PBLD: variants seen among roughly 807,000 people sequenced by gnomAD.
The protein encoded by PBLD is phenazine biosynthesis like protein domain containing, also known as phenazine biosynthesis-like domain-containing protein.
In PBLD, 26 loss-of-function variants were observed where a neutral mutation model predicts 31.3. The ratio of observed to expected loss-of-function variants is 0.83; its 90% confidence interval spans 0.61 to 1.15. PBLD has a LOEUF of 1.15. Among genes scored for constraint, PBLD ranks in the 50% most tolerant of loss-of-function variants. PBLD has a pLI of 0.00. For missense variants in PBLD, 307 were observed against 351.7 expected, an observed-to-expected ratio of 0.87 and a Z score of 1.02; for synonymous variants, 114 against 129.0, an observed-to-expected ratio of 0.88 and a Z score of 0.79.
intron 1 of PBLD, among the ~76,000 whole-genome samples, chr10:68,307,902 T>C (rs2044605091): frequency 6.6e-6 from 1 of 152,154 alleles, no homozygotes; most frequent in Non-Finnish European, 1.5e-5. Context: ...AAGAACGCAT[T>C]TTTTCTAATT....
At chr10:68,307,872 ATAT>A (rs2044604612) in intron 1 of PBLD, among the ~76,000 whole-genome samples, 1 of 152,222 alleles carries the variant, frequency 6.6e-6, no homozygotes, top group African/African-American at 2.4e-5. Context: ...CTCCCAATGA[ATAT>A]TATTACTATT....
intron 1 of PBLD, among the ~76,000 whole-genome samples, chr10:68,323,109 T>C (rs1031691967): frequency 7.9e-5 from 12 of 151,994 alleles, no homozygotes; most frequent in African/African-American, 2.9e-4. Context: ...TCTTTGCAAC[T>C]TTTCTATAAA....
At chr10:68,314,648 A>C (rs2044712871) in intron 1 of PBLD, among the ~76,000 whole-genome samples, 1 of 151,614 alleles carries the variant, frequency 6.6e-6, no homozygotes, top group African/African-American at 2.4e-5. Context: ...CCCAGGCTGG[A>C]GTGCAGTGGC....
rs929824739 is a variant in PBLD at position 68,323,246 on chromosome 10, T to A, written c.-60+9538A>T. ...CCCTTGAGATAACTGAAGCTCCAGC[T>A]GACATTTTAATTATACCCTTATAAG... On this transcript the variant is annotated intron_variant, in intron 1 of 9. Coordinates refer to ENST00000358769, the MANE Select transcript of PBLD (RefSeq NM_022129.4). Among the ~76,000 whole-genome samples, 4 of 152,002 alleles carry A rather than the reference T, an allele frequency of 2.6e-5. No homozygotes were observed. In the East Asian group the frequency reaches 7.7e-4, roughly 29 times the overall value.
intron 1 of PBLD, among the ~76,000 whole-genome samples, chr10:68,314,331 A>G (rs1240785391): frequency 6.6e-6 from 1 of 152,108 alleles, no homozygotes; most frequent in African/African-American, 2.4e-5. Context: ...GTTTATAAGC[A>G]CTGGTGGAGT....
chr10:68,296,343 C>G lies in PBLD; in HGVS notation c.206G>C (p.Trp69Ser), dbSNP rs1315212697. The change falls in exon 4 of 10, where the codon TGG becomes TCG. Residue 69 changes from tryptophan to serine, a missense_variant. Physicochemically the swap from Trp to Ser is radical, Grantham distance 177. Transcript: ENST00000358769. The part of the protein sequence containing the change: ...FAQSSCFGLR[W>S]FTPASEVPLC... ...TGGGACCTCACTCGCTGGTGTAAAC[C>G]ATCTCAGTCCAAAGCAGGAACCTGA... 1.2e-6 allele frequency: 2 copies of G among 1,613,942 alleles called. No homozygotes were observed. The highest frequency in any genetic ancestry group is 1.3e-5 in the African/African-American group (1 of 75,054).
chr10:68,332,465 A>G (rs1029058534), intron 1 of PBLD, among the ~76,000 whole-genome samples: 1 of 152,240 alleles, frequency 6.6e-6, no homozygotes, highest in Non-Finnish European at 1.5e-5. Context: ...GGGGACATCC[A>G]GCATTTTCCC....
chr10:68,322,718 A>G lies in PBLD; in HGVS notation c.-60+10066T>C, dbSNP rs115079029. On this transcript the variant is annotated intron_variant, in intron 1 of 9. Coordinates refer to ENST00000358769, the MANE Select transcript of PBLD (RefSeq NM_022129.4). ...TAATTTCATAACTTGTGACAAATGT[A>G]GCATGGATGCTACCATCAATGTAAG... is the stretch of plus-strand genomic sequence containing the variant. Among the ~76,000 whole-genome samples the G allele has an allele frequency of 5.3e-3, 798 of 151,930 alleles. 8 individuals carry two copies. The highest frequency in any genetic ancestry group is 0.018 in the African/African-American group (763 of 41,454).
At position 68,288,939 on chromosome 10, in the gene PBLD, A is replaced by C. The variant is rs1293630490; in HGVS notation, c.504T>G (p.Val168=). Residue 168 remains valine, a synonymous_variant, in exon 7 of 10, where the codon GTT becomes GTG. Coordinates refer to ENST00000358769, the MANE Select transcript of PBLD (RefSeq NM_022129.4). ...TQKLLVRLSD[V]YNRSFLENLK... ...GCAGCCAAAAATCTTACCTGTTGTA[A>C]ACGTCACTGAGGCGGACGAGGAGCT... 1.2e-6 allele frequency: 2 copies of C among 1,614,014 alleles called. No homozygotes were observed. The highest frequency in any genetic ancestry group is 1.3e-5 in the African/African-American group (1 of 74,942).
chr10:68,317,633 C>CA (rs951602798), intron 1 of PBLD, among the ~76,000 whole-genome samples: 5 of 150,794 alleles, frequency 3.3e-5, no homozygotes, highest in East Asian at 2.0e-4. Flanking sequence ...CTGTCTCTAC[C>CA]AAAAAAAATT....
chr10:68,297,788 A>G (rs1329130754), intron 2 of PBLD, among the ~76,000 whole-genome samples: 1 of 152,180 alleles, frequency 6.6e-6, no homozygotes, highest in East Asian at 1.9e-4. Context: ...ACCACAATAT[A>G]CCTAATAAAC....
At chr10:68,302,478 G>C (rs987276435) in intron 2 of PBLD, among the ~76,000 whole-genome samples, 1 of 152,128 alleles carries the variant, frequency 6.6e-6, no homozygotes, top group East Asian at 1.9e-4. Context: ...TGTAGATAAG[G>C]TTCCAGTAAA....
At chr10:68,310,403 A>G (rs2044650717) in intron 1 of PBLD, among the ~76,000 whole-genome samples, 1 of 148,138 alleles carries the variant, frequency 6.8e-6, no homozygotes, top group Non-Finnish European at 1.5e-5. Flanking sequence ...TGAAATGGTT[A>G]AATCTAGCTA....
intron 1 of PBLD, among the ~76,000 whole-genome samples, chr10:68,319,111 G>A (rs200229457): frequency 8.7e-6 from 1 of 115,514 alleles, no homozygotes. Flanking sequence ...AAGAAAGAAA[G>A]GAAAAAGAAA....
chr10:68,294,060 G>A (rs760229337), intron 4 of PBLD, among the ~76,000 whole-genome samples: 3 of 151,988 alleles, frequency 2.0e-5, no homozygotes, highest in Non-Finnish European at 2.9e-5. Context: ...TAAACATTTC[G>A]GAATGTTTGC....
intron 2 of PBLD, among the ~76,000 whole-genome samples, chr10:68,302,451 T>C (rs147738549): frequency 1.3e-3 from 202 of 152,306 alleles, no homozygotes; most frequent in Middle Eastern, 0.01. Flanking sequence ...GTCCTTATTG[T>C]TCATTTGTCC....
At chr10:68,314,653 A>T (rs1296419434) in intron 1 of PBLD, among the ~76,000 whole-genome samples, 4 of 151,820 alleles carry the variant, frequency 2.6e-5, no homozygotes, top group South Asian at 2.1e-4. Context: ...GCTGGAGTGC[A>T]GTGGCGCAAT....
At chr10:68,302,478 G>A (rs987276435) in intron 2 of PBLD, among the ~76,000 whole-genome samples, 1 of 152,128 alleles carries the variant, frequency 6.6e-6, no homozygotes, top group Non-Finnish European at 1.5e-5. Context: ...TGTAGATAAG[G>A]TTCCAGTAAA....
rs766618202 is a variant in PBLD at position 68,285,405 on chromosome 10, C to T, written c.697G>A (p.Ala233Thr). The change falls in exon 9 of 10, where the codon GCA becomes ACA. Residue 233 changes from alanine to threonine, a missense_variant. By Grantham distance (58) the Ala-to-Thr change is moderately conservative (BLOSUM62 0). Transcript: ENST00000358769. ...GVAEDPVTGS[A>T]HAVLSSYWSQ... is the part of the protein sequence containing the mutation. ...CAGTAGCTGCTGAGAACAGCGTGTGCAGACCCTCAAAAGAAGTGAAAAGTT... is the reference window on the plus strand; with the variant it reads ...CAGTAGCTGCTGAGAACAGCGTGTGTAGACCCTCAAAAGAAGTGAAAAGTT... 1 of 1,601,370 alleles carries T rather than the reference C, an allele frequency of 6.2e-7. No homozygotes were observed. Among genetic ancestry groups the T allele is most frequent in the Non-Finnish European group, 8.5e-7 (1 of 1,176,204 alleles).
Sources: gnomAD v4.1 joint callset for allele counts (sites outside exome capture counted in the v4.1 genomes callset) on GRCh38, gnomAD v4.1.1 for gene constraint, MANE v1.5 for transcripts, NCBI Gene and HGNC (gene_info 2026-07-23, HGNC 2026-07-21) for gene names.